Variants in ESF1 observed in about 807,000 individuals in gnomAD.
ESF1 encodes the protein ESF1 homolog.
Under a neutral mutation model 92.0 loss-of-function variants are expected in ESF1, and 58 were observed. The observed-to-expected ratio is 0.63, with a 90% CI of 0.51 to 0.78. The LOEUF (loss-of-function observed/expected upper bound fraction) is 0.78, where lower values mean the gene tolerates loss of function less well. ESF1 is among the 30% of genes least tolerant of loss of function. ESF1 has a pLI of 0.00. For synonymous variants in ESF1, 321 were observed against 313.7 expected, an observed-to-expected ratio of 1.02 and a Z score of -0.24; for missense variants, 922 against 989.1, an observed-to-expected ratio of 0.93 and a Z score of 0.91.
chr20:13,724,859 T>C (rs1047499806), intron 11 of ESF1, among the ~76,000 whole-genome samples: 1 of 152,190 alleles, frequency 6.6e-6, no homozygotes, highest in African/African-American at 2.4e-5. Context: ...CACAGCTTTG[T>C]AATGTGCCTT....
intron 8 of ESF1, among the ~76,000 whole-genome samples, chr20:13,762,589 T>C (rs1979246824): frequency 6.6e-6 from 1 of 152,152 alleles, no homozygotes; most frequent in African/African-American, 2.4e-5. Flanking sequence ...TTTTTCCCAA[T>C]TCAAGGACAC....
intron 9 of ESF1, among the ~76,000 whole-genome samples, chr20:13,735,941 T>C (rs1420556246): frequency 1.3e-5 from 2 of 152,140 alleles, no homozygotes; most frequent in African/African-American, 4.8e-5. Flanking sequence ...AGTTATGGAC[T>C]CTAACACTGT....
At chr20:13,748,593 T>TATGTATATATATATATA (rs1466247619) in intron 9 of ESF1, among the ~76,000 whole-genome samples, 11 of 11,794 alleles carry the variant, frequency 9.3e-4, no homozygotes, top group South Asian at 7.5e-3. Context: ...TATATATATA[T>TATGTATATATATATATA]TTTTTTTTTT....
chr20:13,780,590 T>C (rs576216589), intron 2 of ESF1, among the ~76,000 whole-genome samples: 1 of 152,344 alleles, frequency 6.6e-6, no homozygotes, highest in East Asian at 1.9e-4. Context: ...CAGTGTGATC[T>C]CTGCTTATCA....
At position 13,716,804 on chromosome 20, in the gene ESF1, A is replaced by ATTTTTTT. The variant is rs71188180; in HGVS notation, c.2262+557_2262+563dup. ...TACAGGTGTGCGCCACTATACCTGG[A>ATTTTTTT]TTTTTTTTTTTTTTTTTTTTTTTTT... On this transcript the variant is annotated intron_variant, in intron 13 of 13. Transcript: ENST00000617257. 9.6e-4 allele frequency among the ~76,000 whole-genome samples: 44 copies of ATTTTTTT among 45,914 alleles called. 5 individuals carry two copies. Among genetic ancestry groups the ATTTTTTT allele is most frequent in the African/African-American group, 1.2e-3 (15 of 13,004 alleles). The allele number at this position is 45,914 out of a possible 152,430, so 30.1% of individuals were successfully genotyped here. A position where few individuals can be genotyped will look rare whatever the true frequency, so the allele number is the denominator to read the frequency against.
intron 12 of ESF1, among the ~76,000 whole-genome samples, chr20:13,717,912 T>C (rs965301533): frequency 6.6e-6 from 1 of 152,152 alleles, no homozygotes; most frequent in African/African-American, 2.4e-5. Flanking sequence ...ATGCAAATTA[T>C]ACTTTCTAAA....
intron 9 of ESF1, among the ~76,000 whole-genome samples, chr20:13,749,305 T>C (rs1321831536): frequency 4.5e-5 from 6 of 134,392 alleles, no homozygotes; most frequent in African/African-American, 1.6e-4. Context: ...TCCACCCACC[T>C]TGGCCTCCCA....
chr20:13,719,084 C>A, intron 11 of ESF1, 100 bp from the exon 12 acceptor site: 2 of 740,230 alleles, frequency 2.7e-6, no homozygotes, highest in Non-Finnish European at 2.0e-6. Context: ...TAGGAATAAT[C>A]TTAACAATAA....
At chr20:13,745,357 T>A (rs2050041403) in intron 9 of ESF1, among the ~76,000 whole-genome samples, 1 of 152,214 alleles carries the variant, frequency 6.6e-6, no homozygotes, top group East Asian at 1.9e-4. Context: ...TACATTGTGA[T>A]AAGTTATACA....
chr20:13,720,697 T>A (rs2049862000), intron 11 of ESF1, among the ~76,000 whole-genome samples: 1 of 152,242 alleles, frequency 6.6e-6, no homozygotes, highest in Admixed American at 6.5e-5. Flanking sequence ...TATAAATACA[T>A]TTTTATGATA....
Position 13,724,696 on chromosome 20 carries a change from T to C in ESF1, c.2038+3682A>G, listed in dbSNP as rs536671430. On this transcript the variant is annotated intron_variant, in intron 11 of 13. Transcript: ENST00000617257. The stretch of plus-strand genomic sequence containing the variant: ...ATATTTTAAAAGTCCAGTTATACCA[T>C]AGGAAGTCAGATTAAAATGTAAAGT... Among the ~76,000 whole-genome samples, 10 of 152,314 alleles carry C rather than the reference T, an allele frequency of 6.6e-5. No homozygotes were observed. In the East Asian group the frequency reaches 1.7e-3, roughly 26 times the overall value.
At chr20:13,749,816 C>T (rs1219476243) in intron 9 of ESF1, among the ~76,000 whole-genome samples, 3 of 152,274 alleles carry the variant, frequency 2.0e-5, no homozygotes, top group Non-Finnish European at 4.4e-5. Context: ...ATCTGCCCAC[C>T]TTGTCCTCCC....
chr20:13,784,291 C>CCCG (rs1555828500), intron 1 of ESF1, among the ~76,000 whole-genome samples: 3 of 147,682 alleles, frequency 2.0e-5, no homozygotes. Context: ...GCAACCCCCC[C>CCCG]CCAAAATGAT....
intron 1 of ESF1, 36 bp from the exon 2 acceptor site, chr20:13,783,219 G>T: frequency 7.4e-7 from 1 of 1,351,614 alleles, no homozygotes; most frequent in Non-Finnish European, 1.0e-6. Flanking sequence ...TGGTAATAAT[G>T]GTTAGTACAA....
chr20:13,743,103 A>G (rs2050026212), intron 9 of ESF1, among the ~76,000 whole-genome samples: 1 of 152,222 alleles, frequency 6.6e-6, no homozygotes. Flanking sequence ...ACTATATACA[A>G]TGTTCCAAAG....
intron 2 of ESF1, among the ~76,000 whole-genome samples, chr20:13,781,817 A>C (rs887491966): frequency 1.3e-5 from 2 of 152,354 alleles, no homozygotes; most frequent in African/African-American, 4.8e-5. Flanking sequence ...TTAATGAATG[A>C]GTACTCAACT....
intron 2 of ESF1, 147 bp downstream of exon 2, chr20:13,782,357 T>G (rs1361055196): frequency 1.5e-6 from 1 of 673,892 alleles, no homozygotes; most frequent in Non-Finnish European, 2.2e-6. Flanking sequence ...TCACTGCATA[T>G]TTCTTTTATA....
At chr20:13,733,876 G>A (rs1473889501) in intron 9 of ESF1, 34 bp from the exon 10 acceptor site, 6 of 1,565,982 alleles carry the variant, frequency 3.8e-6, no homozygotes, top group Admixed American at 2.0e-5. Context: ...AGCTTAAAAT[G>A]TCTTATTGTC....
intron 11 of ESF1, among the ~76,000 whole-genome samples, chr20:13,726,356 C>T (rs1444661990): frequency 6.6e-6 from 1 of 152,178 alleles, no homozygotes; most frequent in Non-Finnish European, 1.5e-5. Flanking sequence ...GACAATGCTC[C>T]AGCCACACTG....
Sources: gnomAD v4.1 joint callset for allele counts (sites outside exome capture counted in the v4.1 genomes callset) on GRCh38, gnomAD v4.1.1 for gene constraint, MANE v1.5 for transcripts, NCBI Gene and HGNC (gene_info 2026-07-23, HGNC 2026-07-21) for gene names.